GRID2: variants seen among roughly 807,000 people sequenced by gnomAD.
GRID2 encodes glutamate receptor ionotropic, delta-2.
Under a neutral mutation model 114.8 loss-of-function variants are expected in GRID2, and 33 were observed. That is an observed-to-expected ratio of 0.29 (90% CI 0.22 to 0.38). The LOEUF (loss-of-function observed/expected upper bound fraction) is 0.38. GRID2 is among the 10% of genes least tolerant of loss of function. GRID2 has a pLI of 1.00. For missense variants in GRID2, 1,184 were observed against 1,257.7 expected (o/e 0.94, Z 0.89); for synonymous variants, 505 against 449.9 (o/e 1.12, Z -1.55).
Position 93,650,283 on chromosome 4 carries a change from A to G in GRID2, c.2360+23848A>G, listed in dbSNP as rs371873123. 2.0e-4 allele frequency among the ~76,000 whole-genome samples: 31 copies of G among 152,348 alleles called. No individual in the cohort carries two copies. The East Asian group carries it at 2.9e-3, about 14-fold the overall frequency. Reference sequence around the variant, plus strand: ...GGACAAAATCATCAGATGTTAACTCAATTACCTCAATTAAAAGAACTGTCT... The same window carrying G: ...GGACAAAATCATCAGATGTTAACTCGATTACCTCAATTAAAAGAACTGTCT... On this transcript the variant is annotated intron_variant, in intron 14 of 15. Transcript: ENST00000282020.
chr4:92,439,081 G>A lies in GRID2; in HGVS notation c.88+134337G>A, dbSNP rs767409209. ...AGCGAAGGGAGATAAGGGTGGGGCCGTTTTACAGGATTTGGGTAGGTAAAG... is the reference window on the plus strand; with the variant it reads ...AGCGAAGGGAGATAAGGGTGGGGCCATTTTACAGGATTTGGGTAGGTAAAG... On this transcript the variant is annotated intron_variant, in intron 1 of 15. Transcript: ENST00000282020. 4.6e-5 allele frequency among the ~76,000 whole-genome samples: 7 copies of A among 151,826 alleles called. No homozygotes were observed. In the East Asian group the frequency reaches 7.8e-4, roughly 17 times the overall value.
At chr4:92,419,121 G>T (rs1731764843) in intron 1 of GRID2, among the ~76,000 whole-genome samples, 1 of 152,062 alleles carries the variant, frequency 6.6e-6, no homozygotes, top group Non-Finnish European at 1.5e-5. Flanking sequence ...AGACAAGTTT[G>T]TCATTTTCAG....
chr4:93,448,562 G>A (rs896986723), intron 10 of GRID2, among the ~76,000 whole-genome samples: 1 of 151,776 alleles, frequency 6.6e-6, no homozygotes, highest in Non-Finnish European at 1.5e-5. Context: ...TTCCATTTAA[G>A]TACTTTATTA....
intron 13 of GRID2, among the ~76,000 whole-genome samples, chr4:93,541,148 T>C (rs1732610068): frequency 6.6e-6 from 1 of 152,082 alleles, no homozygotes; most frequent in African/African-American, 2.4e-5. Context: ...TTGAAGTATA[T>C]TAGATTTTAA....
chr4:92,936,114 A>G (rs1360456181), intron 2 of GRID2, among the ~76,000 whole-genome samples: 1 of 146,680 alleles, frequency 6.8e-6, no homozygotes, highest in Admixed American at 7.4e-5. Flanking sequence ...AACAAAAGAA[A>G]TGCACTTTTA....
At chr4:93,197,689 A>G (rs890897704) in intron 4 of GRID2, among the ~76,000 whole-genome samples, 2 of 152,098 alleles carry the variant, frequency 1.3e-5, no homozygotes, top group African/African-American at 4.8e-5. Context: ...TTTAGTCCTC[A>G]CTATGCCTCC....
At chr4:93,133,116 C>G (rs1039103658) in intron 4 of GRID2, among the ~76,000 whole-genome samples, 11 of 152,156 alleles carry the variant, frequency 7.2e-5, no homozygotes, top group Admixed American at 3.9e-4. Context: ...TCAACTATAG[C>G]TTTTCCTTTG....
At chr4:92,429,588 A>G (rs1342473706) in intron 1 of GRID2, among the ~76,000 whole-genome samples, 2 of 152,170 alleles carry the variant, frequency 1.3e-5, no homozygotes, top group Non-Finnish European at 2.9e-5. Context: ...TTGATATACT[A>G]ATTTCCTTTC....
intron 13 of GRID2, among the ~76,000 whole-genome samples, chr4:93,561,609 T>C (rs1158693649): frequency 6.6e-6 from 1 of 152,128 alleles, no homozygotes; most frequent in African/African-American, 2.4e-5. Context: ...TTTGGACAAA[T>C]ATATGACATG....
At chr4:93,607,721 A>G (rs1034709281) in intron 13 of GRID2, among the ~76,000 whole-genome samples, 5 of 152,172 alleles carry the variant, frequency 3.3e-5, no homozygotes, top group Non-Finnish European at 5.9e-5. Flanking sequence ...CAGACATTTA[A>G]TAGATATAAA....
chr4:92,417,925 A>G (rs533636978), intron 1 of GRID2, among the ~76,000 whole-genome samples: 2 of 152,234 alleles, frequency 1.3e-5, no homozygotes, highest in South Asian at 2.1e-4. Flanking sequence ...GCCTGCCACT[A>G]TGTAAGATGT....
chr4:92,351,274 T>C (rs562104009), intron 1 of GRID2, among the ~76,000 whole-genome samples: 1 of 151,972 alleles, frequency 6.6e-6, no homozygotes, highest in East Asian at 1.9e-4. Flanking sequence ...AACAGCTGCA[T>C]TATTTTATAT....
intron 2 of GRID2, among the ~76,000 whole-genome samples, chr4:92,979,230 AG>A (rs1754044639): frequency 6.6e-6 from 1 of 152,020 alleles, no homozygotes; most frequent in Non-Finnish European, 1.5e-5. Context: ...TATGCTGAAA[AG>A]GTAATATTCT....
At chr4:92,817,094 A>G (rs934979323) in intron 2 of GRID2, among the ~76,000 whole-genome samples, 2 of 152,070 alleles carry the variant, frequency 1.3e-5, no homozygotes, top group Non-Finnish European at 2.9e-5. Flanking sequence ...CATTAACCCT[A>G]CACTACTCAC....
At chr4:93,725,788 G>C (rs1357277988) in intron 14 of GRID2, among the ~76,000 whole-genome samples, 3 of 152,112 alleles carry the variant, frequency 2.0e-5, no homozygotes, top group African/African-American at 4.8e-5. Flanking sequence ...CTTCTTTTGA[G>C]AAGTGTCTGT....
chr4:92,536,989 T>C (rs558900694), intron 1 of GRID2, among the ~76,000 whole-genome samples: 2 of 152,172 alleles, frequency 1.3e-5, no homozygotes, highest in Non-Finnish European at 2.9e-5. Flanking sequence ...TTGTAAATAC[T>C]CAGAGAAAAG....
chr4:92,554,603 T>C (rs2149176034), intron 1 of GRID2, among the ~76,000 whole-genome samples: 1 of 152,280 alleles, frequency 6.6e-6, no homozygotes, highest in East Asian at 1.9e-4. Context: ...TTACAGCTAA[T>C]GTAATTTTTG....
At chr4:92,829,600 A>C (rs1741959564) in intron 2 of GRID2, among the ~76,000 whole-genome samples, 1 of 152,166 alleles carries the variant, frequency 6.6e-6, no homozygotes, top group Non-Finnish European at 1.5e-5. Context: ...TACCCAAAGG[A>C]TTATAAATCA....
At chr4:92,646,678 T>C (rs2149257992) in intron 2 of GRID2, among the ~76,000 whole-genome samples, 1 of 152,356 alleles carries the variant, frequency 6.6e-6, no homozygotes, top group South Asian at 2.1e-4. Context: ...TAAACAAATG[T>C]AAAACAGGTT....
Sources: allele counts gnomAD v4.1 joint callset (sites outside exome capture counted in the v4.1 genomes callset), GRCh38; gene constraint gnomAD v4.1.1; transcripts MANE v1.5; gene names NCBI Gene and HGNC (gene_info 2026-07-23, HGNC 2026-07-21).